The following PASD1 variants were observed in gnomAD, a reference collection of about 807,000 sequenced individuals.
The protein encoded by PASD1 is circadian clock protein PASD1.
Under a neutral mutation model 58.8 loss-of-function variants are expected in PASD1, and 13 were observed. The observed-to-expected ratio is 0.22, with a 90% CI of 0.14 to 0.35. The LOEUF is 0.35. PASD1 is among the 10% of genes least tolerant of loss of function. The pLI is 1.00. For missense variants in PASD1, 734 were observed against 568.3 expected (o/e 1.29, Z -2.96); for synonymous variants, 236 against 216.7 (o/e 1.09, Z -0.78).
intron 8 of PASD1, among the ~76,000 whole-genome samples, chrX:151,629,497 A>G (rs2013839630): frequency 8.9e-6 from 1 of 111,998 alleles, no homozygotes; most frequent in Non-Finnish European, 1.9e-5. Flanking sequence ...ACCAAGCTTA[A>G]GACTTCTAGC....
chrX:151,570,415 G>T (rs1470225097), intron 1 of PASD1, among the ~76,000 whole-genome samples: 2 of 111,826 alleles, frequency 1.8e-5, no homozygotes, highest in Non-Finnish European at 3.8e-5. Context: ...TTTCTATTTT[G>T]TAAATTTGGC....
At chrX:151,568,476 A>G (rs1041492086) in intron 1 of PASD1, among the ~76,000 whole-genome samples, 1 of 111,938 alleles carries the variant, frequency 8.9e-6, no homozygotes, top group African/African-American at 3.2e-5. Context: ...AATACCTGAG[A>G]TCAAGGCACA....
intron 11 of PASD1, among the ~76,000 whole-genome samples, chrX:151,665,684 G>C (rs752477351): frequency 1.8e-5 from 2 of 111,623 alleles, no homozygotes; most frequent in East Asian, 5.7e-4. Context: ...AGACGGATTA[G>C]GTCACCTCTC....
At chrX:151,648,370 A>C (rs1186301293) in intron 8 of PASD1, among the ~76,000 whole-genome samples, 1 of 110,404 alleles carries the variant, frequency 9.1e-6, no homozygotes, top group Non-Finnish European at 1.9e-5. Context: ...TTTGCTCCCC[A>C]CTGTTAAAAA....
At chrX:151,652,181 G>A (rs1028947509) in intron 9 of PASD1, among the ~76,000 whole-genome samples, 2 of 111,518 alleles carry the variant, frequency 1.8e-5, no homozygotes, top group African/African-American at 6.5e-5. Flanking sequence ...CATTCCAACA[G>A]TGAGAAACAG....
chrX:151,655,741 AT>A (rs1322069616), intron 9 of PASD1, among the ~76,000 whole-genome samples: 2 of 111,437 alleles, frequency 1.8e-5, no homozygotes, highest in Admixed American at 1.9e-4. Flanking sequence ...TTCATTGTAG[AT>A]TCTGGATATT....
chrX:151,645,021 G>A (rs2014042864), intron 8 of PASD1, among the ~76,000 whole-genome samples: 1 of 111,193 alleles, frequency 9.0e-6, no homozygotes, highest in Admixed American at 9.6e-5. Context: ...TAGTTATCAA[G>A]GATGGCTGAG....
intron 4 of PASD1, among the ~76,000 whole-genome samples, chrX:151,616,703 A>G (rs772305283): frequency 4.8e-4 from 54 of 111,698 alleles, no homozygotes; most frequent in African/African-American, 1.7e-3. Flanking sequence ...CGTACACTAC[A>G]TCTGAAAAAA....
At chrX:151,621,795 CTCTT>C (rs2013715176) in intron 6 of PASD1, among the ~76,000 whole-genome samples, 1 of 109,873 alleles carries the variant, frequency 9.1e-6, no homozygotes, top group Admixed American at 9.8e-5. Context: ...TTAAGGATGG[CTCTT>C]TCTTTTTATA....
rs1223624772 is a variant in PASD1 at position 151,615,621 on chromosome X, ATTAT to A, written c.207+3869_207+3872del. Reference sequence around the variant, plus strand: ...TCATTTTATAAGTCATCCAACTTATATTATAAAATGGAGACTGAACCATTTCTAG... The same window carrying A: ...TCATTTTATAAGTCATCCAACTTATAAAAATGGAGACTGAACCATTTCTAG... On this transcript the variant is annotated intron_variant, in intron 4 of 15. Transcript: ENST00000370357. Among the ~76,000 whole-genome samples the A allele has an allele frequency of 2.6e-4, 29 of 111,562 alleles. 1 individual carries two copies. The highest frequency in any genetic ancestry group is 5.3e-4 in the Non-Finnish European group (28 of 53,167).
chrX:151,583,185 C>T, intron 1 of PASD1, among the ~76,000 whole-genome samples: 1 of 111,975 alleles, frequency 8.9e-6, no homozygotes, highest in Non-Finnish European at 1.9e-5. Flanking sequence ...CAGGCACTGC[C>T]ATGGACTCCC....
rs1602969355 is a variant in PASD1 at position 151,671,771 on chromosome X, T to C, written c.1429T>C (p.Phe477Leu). ...GGAGCTTCAGGAGCCTTGTGTTGCC[T>C]TCAACCAGGTATGGAAAGGCTGTTT... ...TGELQEPCVA[F>L]NQQQLVQQEQ... Residue 477 changes from phenylalanine to leucine, a missense_variant, in exon 13 of 16, where the codon TTC (phenylalanine) becomes CTC (leucine). Physicochemically the swap from Phe to Leu is conservative, Grantham distance 22 (BLOSUM62 0). Coordinates refer to ENST00000370357, the MANE Select transcript of PASD1 (RefSeq NM_173493.3). 8.3e-7 allele frequency: 1 copy of C among 1,203,629 alleles called. No individual in the cohort carries two copies.
chrX:151,609,432 G>A (rs746010612), intron 3 of PASD1, among the ~76,000 whole-genome samples: 15 of 111,399 alleles, frequency 1.3e-4, no homozygotes, highest in South Asian at 3.7e-4. Flanking sequence ...AAAATCTTGC[G>A]TAACTGAAAC....
At chrX:151,669,933 C>G (rs1303152939) in intron 11 of PASD1, among the ~76,000 whole-genome samples, 1 of 111,687 alleles carries the variant, frequency 9.0e-6, no homozygotes, top group Non-Finnish European at 1.9e-5. Context: ...CTGGATCATA[C>G]GGTAGTTGTA....
At chrX:151,675,820 A>C (rs1373534884) in intron 15 of PASD1, among the ~76,000 whole-genome samples, 177 bp from the exon 16 acceptor site, 1 of 112,533 alleles carries the variant, frequency 8.9e-6, no homozygotes, top group Admixed American at 9.4e-5. Flanking sequence ...GAGAGAGAAG[A>C]GGAGAGGAAC....
intron 3 of PASD1, among the ~76,000 whole-genome samples, chrX:151,610,511 T>C (rs2013542306): frequency 8.9e-6 from 1 of 112,010 alleles, no homozygotes; most frequent in Non-Finnish European, 1.9e-5. Flanking sequence ...ATAATTCCAA[T>C]AAGTTATTTT....
rs1387803451 is a variant in PASD1, at chrX:151,648,689, C to T, written c.704C>T (p.Ala235Val). The part of the protein sequence containing the change: ...YVEPAAAAAA[A>V]AISDDQIDIA... The stretch of plus-strand genomic sequence containing the variant: ...GAACCCGCTGCTGCTGCTGCTGCTG[C>T]TGCTATCTCAGACGTATGTACATTG... The change falls in exon 9 of 16, where the codon GCT becomes GTT. Residue 235 changes from alanine (A) to valine (V), a missense_variant. Ala to Val is a moderately conservative substitution (Grantham distance 64, BLOSUM62 0). Transcript: ENST00000370357. The T allele has an allele frequency of 5.0e-6, 6 of 1,211,225 alleles. No homozygotes were observed. In the East Asian group the frequency reaches 8.9e-5, roughly 18 times the overall value.
chrX:151,642,353 TTATC>T (rs201391390), intron 8 of PASD1, among the ~76,000 whole-genome samples: 6,813 of 112,257 alleles, frequency 0.061, 201 homozygotes, highest in Middle Eastern at 0.17. Flanking sequence ...TTTGGATCCC[TTATC>T]TATTCAGTAT....
intron 11 of PASD1, among the ~76,000 whole-genome samples, chrX:151,668,980 A>G (rs1220034896): frequency 2.8e-5 from 3 of 107,119 alleles, no homozygotes; most frequent in Admixed American, 1.0e-4. Flanking sequence ...AGCCTCAAGC[A>G]GTTCTCCCAC....
Sources: gnomAD v4.1 joint callset for allele counts (sites outside exome capture counted in the v4.1 genomes callset) on GRCh38, gnomAD v4.1.1 for gene constraint, MANE v1.5 for transcripts, NCBI Gene and HGNC (gene_info 2026-07-23, HGNC 2026-07-21) for gene names.